CACNA1D: variants seen among roughly 807,000 people sequenced by gnomAD.
CACNA1D encodes voltage-dependent L-type calcium channel subunit alpha-1D.
A neutral mutation model predicts 257.1 loss-of-function variants in CACNA1D; 55 were observed. The ratio of observed to expected loss-of-function variants is 0.21; its 90% CI spans 0.17 to 0.27. CACNA1D has a LOEUF of 0.27. Ranked by LOEUF, CACNA1D falls within the 10% of genes least tolerant of loss-of-function variation. The probability of loss-of-function intolerance (pLI) is 1.00; values close to 1 mark genes in which losing one functional copy is unlikely to be tolerated. For synonymous variants in CACNA1D, 980 were observed against 1,014.9 expected, an observed-to-expected ratio of 0.97 and a Z score of 0.65; for missense variants, 1,876 against 2,784.0, an observed-to-expected ratio of 0.67 and a Z score of 7.34.
chr3:53,518,655 T>A (rs1190644508), intron 3 of CACNA1D, among the ~76,000 whole-genome samples: 3 of 152,242 alleles, frequency 2.0e-5, no homozygotes, highest in Non-Finnish European at 2.9e-5. Context: ...TGCTTCTGGC[T>A]AAAAATGGGA....
chr3:53,589,438 G>A lies in CACNA1D; in HGVS notation c.484-61341G>A, dbSNP rs756707086. ...GAACTCCCGCCAAGAGGAAGCCTGGGCATGGGGGTGCTGTGAGGCAGGACT... is the reference window on the plus strand; with the variant it reads ...GAACTCCCGCCAAGAGGAAGCCTGGACATGGGGGTGCTGTGAGGCAGGACT... On this transcript the variant is annotated intron_variant, in intron 3 of 47. Transcript: ENST00000350061. Among the ~76,000 whole-genome samples the A allele has an allele frequency of 2.5e-4, 38 of 152,118 alleles. 3 individuals are homozygous for A. Among genetic ancestry groups the A allele is most frequent in the Non-Finnish European group, 1.5e-5 (1 of 68,028 alleles).
rs755418400 is a variant in CACNA1D at position 53,673,831 on chromosome 3, C to G, written c.1220+705C>G. The G allele has an allele frequency of 6.6e-7, 1 of 1,513,292 alleles. No homozygotes were observed. Among genetic ancestry groups the G allele is most frequent in the Admixed American group, 1.7e-5 (1 of 59,890 alleles). The allele number at this position is 1,513,292 out of a possible 1,614,324, so 93.7% of individuals were successfully genotyped here. A position where few individuals can be genotyped will look rare whatever the true frequency, so the allele number is the denominator to read the frequency against. Reference sequence around the variant, plus strand: ...GTCCTTAGTGGGTAAGCAGTCGGATCCGTGTTGCACCTTCTCCTGCTGCCA... The same window carrying G: ...GTCCTTAGTGGGTAAGCAGTCGGATGCGTGTTGCACCTTCTCCTGCTGCCA... On this transcript the variant is annotated intron_variant, in intron 8 of 47. Transcript: ENST00000350061. The surrounding 1 kb of genome is among the most constrained non-coding windows in gnomAD (Gnocchi z 4.1).
At chr3:53,504,995 C>T (rs986580998) in intron 3 of CACNA1D, among the ~76,000 whole-genome samples, 1 of 152,140 alleles carries the variant, frequency 6.6e-6, no homozygotes, top group Non-Finnish European at 1.5e-5. Context: ...CTGCACTCAC[C>T]TCTAAGCCAT....
At chr3:53,586,686 T>C (rs1395714608) in intron 3 of CACNA1D, among the ~76,000 whole-genome samples, 2 of 152,090 alleles carry the variant, frequency 1.3e-5, no homozygotes, top group African/African-American at 4.8e-5. Context: ...TCCTAGTACC[T>C]CTCCAGATTA....
intron 3 of CACNA1D, among the ~76,000 whole-genome samples, chr3:53,526,938 A>G (rs373148574): frequency 1.3e-3 from 204 of 152,352 alleles, no homozygotes; most frequent in Non-Finnish European, 2.6e-3. Flanking sequence ...TTCACATTCT[A>G]TAAATCTAGG....
At chr3:53,637,037 C>T (rs2093892429) in intron 3 of CACNA1D, among the ~76,000 whole-genome samples, 1 of 149,378 alleles carries the variant, frequency 6.7e-6, no homozygotes, top group Non-Finnish European at 1.5e-5. Flanking sequence ...ATTTTCCTCG[C>T]TCTTTTTTTT....
rs1057518141 is a variant in CACNA1D at position 53,747,430 on chromosome 3, C to T, written c.3296C>T (p.Thr1099Met). 5 of 1,614,236 alleles carry T rather than the reference C, an allele frequency of 3.1e-6. No individual in the cohort carries two copies. Among genetic ancestry groups the T allele is most frequent in the Admixed American group, 1.7e-5 (1 of 60,032 alleles). The change falls in exon 26 of 48, where the codon ACG becomes ATG. Residue 1099 changes from threonine to methionine, a missense_variant. Thr to Met is a moderately conservative substitution (Grantham distance 81). Transcript: ENST00000350061. ...ATGATGGCGCTCTTCACAGTCTCCA[C>T]GTTTGAGGGCTGGCCTGCGTAAGTA... ...SAMMALFTVSTFEGWPALLYK... is the reference protein window; with the variant it reads ...SAMMALFTVSMFEGWPALLYK...
chr3:53,652,897 C>T lies in CACNA1D; in HGVS notation c.623+1979C>T, dbSNP rs781548403. ...TACAGAAAAAGTTTGCCAATTGCTGCTCTAGAGTACAGAGACTACCTGAAA... is the reference window on the plus strand; with the variant it reads ...TACAGAAAAAGTTTGCCAATTGCTGTTCTAGAGTACAGAGACTACCTGAAA... On this transcript the variant is annotated intron_variant, in intron 4 of 47. Coordinates refer to ENST00000350061, the MANE Select transcript of CACNA1D (RefSeq NM_001128840.3). 9.2e-5 allele frequency among the ~76,000 whole-genome samples: 14 copies of T among 152,300 alleles called. 1 individual carries two copies. Among genetic ancestry groups the T allele is most frequent in the South Asian group, 6.2e-4 (3 of 4,820 alleles).
intron 3 of CACNA1D, among the ~76,000 whole-genome samples, chr3:53,529,153 A>G (rs2091864400): frequency 6.6e-6 from 1 of 152,196 alleles, no homozygotes; most frequent in Non-Finnish European, 1.5e-5. Context: ...GGTTCTGCAT[A>G]GGTGTCCTTT....
At chr3:53,577,575 C>A (rs2093059610) in intron 3 of CACNA1D, among the ~76,000 whole-genome samples, 1 of 152,094 alleles carries the variant, frequency 6.6e-6, no homozygotes, top group Non-Finnish European at 1.5e-5. Flanking sequence ...AGTTTTCTGG[C>A]CCTGCAGTGG....
chr3:53,648,591 G>T (rs2094048443), intron 3 of CACNA1D, among the ~76,000 whole-genome samples: 2 of 152,116 alleles, frequency 1.3e-5, no homozygotes, highest in African/African-American at 4.8e-5. Context: ...GATATGGCAG[G>T]GAATGGGGCA....
chr3:53,584,061 T>C (rs2093174642), intron 3 of CACNA1D, among the ~76,000 whole-genome samples: 2 of 152,150 alleles, frequency 1.3e-5, no homozygotes, highest in Non-Finnish European at 2.9e-5. Flanking sequence ...GAGTGATCAT[T>C]CTCATCTACC....
At chr3:53,577,369 T>G (rs540313365) in intron 3 of CACNA1D, among the ~76,000 whole-genome samples, 108 of 152,296 alleles carry the variant, frequency 7.1e-4, no homozygotes, top group African/African-American at 2.5e-3. Context: ...GCAGGGGTTG[T>G]CTCTGTTTGG....
At chr3:53,660,714 AG>A (rs1389541923) in intron 5 of CACNA1D, among the ~76,000 whole-genome samples, 1 of 151,370 alleles carries the variant, frequency 6.6e-6, no homozygotes, top group Non-Finnish European at 1.5e-5. Flanking sequence ...GGAGCATCAG[AG>A]GGATGGACTC....
intron 9 of CACNA1D, among the ~76,000 whole-genome samples, chr3:53,715,772 G>A (rs1399347919): frequency 3.3e-5 from 5 of 152,190 alleles, no homozygotes. Flanking sequence ...AGAGCAGGAG[G>A]ACCCTGCCTC....
chr3:53,632,749 C>CAG (rs1048775357), intron 3 of CACNA1D, among the ~76,000 whole-genome samples: 22 of 151,688 alleles, frequency 1.5e-4, no homozygotes, highest in Admixed American at 1.1e-3. Flanking sequence ...AGCCCAAGGA[C>CAG]AGAGAGAGAG....
Position 53,811,569 on chromosome 3 carries a change from G to GTTCCTACCAGGTTTAT in CACNA1D, c.*163_*164insTTCCTACCAGGTTTAT. On this transcript the variant is annotated 3_prime_UTR_variant, in exon 48 of 48. Coordinates refer to ENST00000350061, the MANE Select transcript of CACNA1D (RefSeq NM_001128840.3). The surrounding 1 kb of genome is among the most constrained non-coding windows in gnomAD (Gnocchi z 4.2). ...CATGCCTCAAGAAAGCCATAAACCTGGTAGGAACAGGTCCCAAGCGGTTGA... is the reference window on the plus strand; with the variant it reads ...CATGCCTCAAGAAAGCCATAAACCTGTTCCTACCAGGTTTATGTAGGAACAGGTCCCAAGCGGTTGA... 2 of 620,916 alleles carry GTTCCTACCAGGTTTAT rather than the reference G, an allele frequency of 3.2e-6. No individual in the cohort carries two copies. The highest frequency in any genetic ancestry group is 5.4e-6 in the Non-Finnish European group (2 of 369,044). 38.5% of individuals were successfully genotyped at this position (620,916 alleles called of 1,614,324 possible). A position where few individuals can be genotyped will look rare whatever the true frequency, so the allele number is the denominator to read the frequency against.
intron 3 of CACNA1D, among the ~76,000 whole-genome samples, chr3:53,562,654 T>TCC (rs71074927): frequency 2.6e-4 from 37 of 142,840 alleles, no homozygotes; most frequent in African/African-American, 4.4e-4. Flanking sequence ...CATAAATGCC[T>TCC]CCCCCCCCAA....
At chr3:53,706,822 A>G (rs1468923326) in intron 9 of CACNA1D, among the ~76,000 whole-genome samples, 1 of 151,928 alleles carries the variant, frequency 6.6e-6, no homozygotes, top group East Asian at 1.9e-4. Flanking sequence ...TCCACACCCT[A>G]TGTCCATGTG....
Sources: allele counts gnomAD v4.1 joint callset (sites outside exome capture counted in the v4.1 genomes callset), GRCh38; gene constraint gnomAD v4.1.1; non-coding constraint Gnocchi (gnomAD v3.1); transcripts MANE v1.5; gene names NCBI Gene and HGNC (gene_info 2026-07-23, HGNC 2026-07-21).